The following SLC17A4 variants were observed in gnomAD, a reference collection of about 807,000 sequenced individuals.
SLC17A4 encodes probable small intestine urate exporter.
Under a neutral mutation model 52.5 loss-of-function variants are expected in SLC17A4, and 33 were observed. The ratio of observed to expected loss-of-function variants is 0.63; its 90% CI spans 0.48 to 0.84. SLC17A4 has a LOEUF of 0.84. SLC17A4 is among the 40% of genes least tolerant of loss of function. The probability of loss-of-function intolerance (pLI) is 0.00; values close to 1 mark genes in which losing one functional copy is unlikely to be tolerated. For synonymous variants in SLC17A4, 225 were observed against 216.2 expected, an observed-to-expected ratio of 1.04 and a Z score of -0.36; for missense variants, 585 against 597.1, an observed-to-expected ratio of 0.98 and a Z score of 0.21.
chr6:25,772,785 G>T lies in SLC17A4; in HGVS notation c.707-490G>T, dbSNP rs548951923. Among the ~76,000 whole-genome samples the T allele has an allele frequency of 2.6e-5, 4 of 152,296 alleles. No individual in the cohort carries two copies. The South Asian group carries it at 8.3e-4, about 32-fold the overall frequency. ...GCTGACTGGTACGTGAATGGTGAGG[G>T]CATTTTCAAGCACGTGGGGCAAACA... On this transcript the variant is annotated intron_variant, in intron 6 of 11. Coordinates refer to ENST00000377905, the MANE Select transcript of SLC17A4 (RefSeq NM_005495.3).
chr6:25,758,728 T>C (rs1166388279), intron 1 of SLC17A4, among the ~76,000 whole-genome samples: 1 of 88,320 alleles, frequency 1.1e-5, no homozygotes, highest in Non-Finnish European at 2.6e-5. Context: ...TTATTTATCT[T>C]TTCAAAGAAC....
rs112217478 is a variant in SLC17A4, at chr6:25,775,581, G to A, written c.988-1014G>A. Among the ~76,000 whole-genome samples, 580 of 151,970 alleles carry A rather than the reference G, an allele frequency of 3.8e-3. 9 individuals carry two copies. Among genetic ancestry groups the A allele is most frequent in the Non-Finnish European group, 3.0e-3 (205 of 67,970 alleles). ...CTCCTGAGTAGCTGGGACCACAGGC[G>A]TGTACCACCATGCCTGGCTAATTTT... On this transcript the variant is annotated intron_variant, in intron 8 of 11. Coordinates refer to ENST00000377905, the MANE Select transcript of SLC17A4 (RefSeq NM_005495.3).
At position 25,770,955 on chromosome 6, in the gene SLC17A4, C is replaced by T. The variant is rs368450664; in HGVS notation, c.649C>T (p.Leu217Phe). 5 of 1,613,794 alleles carry T rather than the reference C, an allele frequency of 3.1e-6. No individual in the cohort carries two copies. The highest frequency in any genetic ancestry group is 4.2e-6 in the Non-Finnish European group (5 of 1,179,866). The change falls in exon 6 of 12, where the codon CTT (leucine) becomes TTT (phenylalanine). Residue 217 changes from leucine to phenylalanine, a missense_variant. Physicochemically the swap from Leu to Phe is conservative, Grantham distance 22 (BLOSUM62 0). Transcript: ENST00000377905. ...AATGCTGGGGTCCTTCATTGTTCTA[C>T]TTGCTGGTGGTCTCCTCTGCCAGAC... is the stretch of plus-strand genomic sequence containing the variant. ...GSMLGSFIVL[L>F]AGGLLCQTIG...
chr6:25,769,560 A>AC (rs199948275), intron 3 of SLC17A4, among the ~76,000 whole-genome samples: 2,457 of 150,750 alleles, frequency 0.016, 36 homozygotes, highest in Middle Eastern at 0.038. Context: ...TCTGTCTTAA[A>AC]AAAAAAAAAA....
chr6:25,778,675 T>C (rs1283924508), intron 11 of SLC17A4, among the ~76,000 whole-genome samples: 3 of 152,128 alleles, frequency 2.0e-5, no homozygotes. Context: ...ACATATTGAA[T>C]GGTAACAGGA....
chr6:25,758,465 C>T (rs904936110), intron 1 of SLC17A4, among the ~76,000 whole-genome samples: 2 of 152,198 alleles, frequency 1.3e-5, no homozygotes, highest in Non-Finnish European at 2.9e-5. Context: ...GCCGTTCCTA[C>T]CCTCCCCATT....
intron 1 of SLC17A4, among the ~76,000 whole-genome samples, chr6:25,760,178 C>A (rs73733696): frequency 6.6e-6 from 1 of 152,102 alleles, no homozygotes. Context: ...TTTTAATATC[C>A]ATGTCCTTGA....
chr6:25,779,281 C>T lies in SLC17A4; in HGVS notation c.*93C>T. The T allele has an allele frequency of 6.5e-7, 1 of 1,533,286 alleles. No individual in the cohort carries two copies. Among genetic ancestry groups the T allele is most frequent in the Non-Finnish European group, 8.9e-7 (1 of 1,127,456 alleles). 95.0% of individuals were successfully genotyped at this position (1,533,286 alleles called of 1,614,324 possible). On this transcript the variant is annotated 3_prime_UTR_variant, in exon 12 of 12. Coordinates refer to ENST00000377905, the MANE Select transcript of SLC17A4 (RefSeq NM_005495.3). The stretch of plus-strand genomic sequence containing the variant: ...TTTCATGCCTGCTTGACTGATAAGC[C>T]ATTAGCTAGACCCTGACTATGTAAC...
chr6:25,770,566 G>C, intron 5 of SLC17A4, 95 bp downstream of exon 5: 2 of 1,130,936 alleles, frequency 1.8e-6, no homozygotes, highest in African/African-American at 1.5e-5. Context: ...ATCAATCTCT[G>C]TGTCTTCATA....
At chr6:25,764,712 A>T (rs898705710) in intron 2 of SLC17A4, among the ~76,000 whole-genome samples, 2 of 152,124 alleles carry the variant, frequency 1.3e-5, no homozygotes, top group African/African-American at 4.8e-5. Context: ...AGACCCCATG[A>T]GCCCCTCAAG....
intron 5 of SLC17A4, 107 bp from the exon 6 acceptor site, chr6:25,770,819 G>A: frequency 1.2e-6 from 1 of 850,832 alleles, no homozygotes; most frequent in Non-Finnish European, 2.0e-6. Context: ...AGATAGTTTG[G>A]CTTGAAACTC....
chr6:25,779,211 T>C lies in SLC17A4; in HGVS notation c.*23T>C, dbSNP rs1168121254. 6.2e-7 allele frequency: 1 copy of C among 1,611,828 alleles called. No homozygotes were observed. The highest frequency in any genetic ancestry group is 8.5e-7 in the Non-Finnish European group (1 of 1,178,902). ...TGAGCAAACCGAGAGATGTGCTAGA[T>C]CCTGGTGCTTAGTTCATCATTGTTT... On this transcript the variant is annotated 3_prime_UTR_variant, in exon 12 of 12. Transcript: ENST00000377905.
chr6:25,767,542 G>A (rs2151435622), intron 2 of SLC17A4, among the ~76,000 whole-genome samples: 1 of 152,196 alleles, frequency 6.6e-6, no homozygotes, highest in East Asian at 1.9e-4. Context: ...TGGAATGCAG[G>A]TGTCTGATTC....
chr6:25,776,247 C>A (rs117467263), intron 8 of SLC17A4, among the ~76,000 whole-genome samples: 1 of 151,996 alleles, frequency 6.6e-6, no homozygotes, highest in African/African-American at 2.4e-5. Context: ...AGTTGGATAC[C>A]TTTTAACATG....
intron 11 of SLC17A4, among the ~76,000 whole-genome samples, chr6:25,778,691 G>A (rs995318982): frequency 6.6e-6 from 1 of 152,194 alleles, no homozygotes; most frequent in African/African-American, 2.4e-5. Context: ...CAGGAGAATA[G>A]CAAATGCTTA....
At chr6:25,766,633 T>C (rs1267688394) in intron 2 of SLC17A4, among the ~76,000 whole-genome samples, 1 of 152,168 alleles carries the variant, frequency 6.6e-6, no homozygotes. Context: ...GGCCTTAATA[T>C]GATGTGATGA....
At chr6:25,778,990 C>T in intron 11 of SLC17A4, 64 bp from the exon 12 acceptor site, 1 of 1,592,844 alleles carries the variant, frequency 6.3e-7, no homozygotes, top group Non-Finnish European at 8.6e-7. Flanking sequence ...GAGCCAAAGC[C>T]TTTCTGAACC....
At chr6:25,769,494 G>T (rs1307183629) in intron 3 of SLC17A4, among the ~76,000 whole-genome samples, 1 of 151,728 alleles carries the variant, frequency 6.6e-6, no homozygotes, top group Non-Finnish European at 1.5e-5. Context: ...GGAGGCAGAA[G>T]TTGCAGTGAG....
At position 25,769,183 on chromosome 6, in the gene SLC17A4, A is replaced by C. The variant is rs763176290; in HGVS notation, c.290A>C (p.Lys97Thr). Residue 97 changes from lysine (K) to threonine (T), a missense_variant, in exon 3 of 12, where the codon AAA (lysine) becomes ACA (threonine). By Grantham distance (78) the Lys-to-Thr change is moderately conservative (BLOSUM62 -1). Coordinates refer to ENST00000377905, the MANE Select transcript of SLC17A4 (RefSeq NM_005495.3). The stretch of plus-strand genomic sequence containing the variant: ...TGGAATGAAACTCTAAAAGAATTTA[A>C]AGCAATGGTAAGTTTAATGAGACTC... ...GYWNETLKEF[K>T]AMAPAYDWSP... The C allele has an allele frequency of 7.4e-6, 12 of 1,613,554 alleles. No homozygotes were observed. The highest frequency in any genetic ancestry group is 1.3e-5 in the African/African-American group (1 of 74,908).
Sources: gnomAD v4.1 joint callset for allele counts (sites outside exome capture counted in the v4.1 genomes callset) on GRCh38, gnomAD v4.1.1 for gene constraint, MANE v1.5 for transcripts, NCBI Gene and HGNC (gene_info 2026-07-23, HGNC 2026-07-21) for gene names.